NRXN3: variants seen among roughly 807,000 people sequenced by gnomAD.
NRXN3 encodes neurexin III.
Under a neutral mutation model 137.6 loss-of-function variants are expected in NRXN3, and 32 were observed. The ratio of observed to expected loss-of-function variants is 0.23; its 90% CI spans 0.18 to 0.31. The LOEUF is 0.31. Ranked by LOEUF, NRXN3 falls within the 10% of genes least tolerant of loss-of-function variation. The pLI is 1.00. For synonymous variants in NRXN3, 798 were observed against 784.5 expected (o/e 1.02, Z -0.29); for missense variants, 1,574 against 2,062.5 (o/e 0.76, Z 4.59).
intron 15 of NRXN3, among the ~76,000 whole-genome samples, chr14:79,359,570 CT>C (rs61025850): frequency 0.84 from 88,228 of 105,456 alleles, 36,057 homozygotes; most frequent in East Asian, 0.94. Flanking sequence ...AACATTTAGT[CT>C]TTTTTTTTTT....
intron 8 of NRXN3, among the ~76,000 whole-genome samples, chr14:78,753,129 G>A (rs1411076242): frequency 1.3e-5 from 2 of 152,186 alleles, no homozygotes; most frequent in Non-Finnish European, 2.9e-5. Flanking sequence ...TGAAACAGGA[G>A]ACTTGAGTGA....
At chr14:79,648,715 A>C (rs2098462488) in intron 16 of NRXN3, among the ~76,000 whole-genome samples, 1 of 151,794 alleles carries the variant, frequency 6.6e-6, no homozygotes, top group Admixed American at 6.6e-5. Flanking sequence ...TCTGCCCTTC[A>C]CAGAGTGGAG....
intron 15 of NRXN3, among the ~76,000 whole-genome samples, chr14:79,428,935 T>G (rs775001407): frequency 6.6e-6 from 1 of 152,194 alleles, no homozygotes; most frequent in Non-Finnish European, 1.5e-5. Context: ...TGTCAATTAA[T>G]TTTTACTTTT....
At chr14:79,051,810 GC>G (rs2099642408) in intron 15 of NRXN3, among the ~76,000 whole-genome samples, 1 of 152,184 alleles carries the variant, frequency 6.6e-6, no homozygotes, top group South Asian at 2.1e-4. Context: ...AAGAGGGGAA[GC>G]AAATACATGT....
At chr14:79,014,010 G>T (rs1490735681) in intron 15 of NRXN3, among the ~76,000 whole-genome samples, 1 of 152,148 alleles carries the variant, frequency 6.6e-6, no homozygotes, top group East Asian at 1.9e-4. Flanking sequence ...TTTGTATGAA[G>T]TCTTAGTCAG....
At chr14:78,894,333 C>G (rs891391836) in intron 10 of NRXN3, among the ~76,000 whole-genome samples, 1 of 151,908 alleles carries the variant, frequency 6.6e-6, no homozygotes, top group Non-Finnish European at 1.5e-5. Flanking sequence ...CAACAATGTT[C>G]ACAGCATCTT....
intron 15 of NRXN3, among the ~76,000 whole-genome samples, chr14:79,304,282 G>A (rs895661287): frequency 6.6e-6 from 1 of 152,042 alleles, no homozygotes; most frequent in Non-Finnish European, 1.5e-5. Flanking sequence ...CACTCTGTAG[G>A]CATTTTGCAT....
intron 19 of NRXN3, among the ~76,000 whole-genome samples, chr14:79,770,809 C>A (rs1305663576): frequency 2.0e-5 from 3 of 151,598 alleles, no homozygotes; most frequent in Non-Finnish European, 4.4e-5. Context: ...ACACAAAAAA[C>A]CCTTCAAAAA....
At chr14:79,658,826 A>AT (rs1313961396) in intron 16 of NRXN3, among the ~76,000 whole-genome samples, 1 of 152,166 alleles carries the variant, frequency 6.6e-6, no homozygotes, top group Non-Finnish European at 1.5e-5. Context: ...ACCTGCTTCC[A>AT]TTGCCCATAT....
At chr14:78,874,357 T>C (rs914022165) in intron 10 of NRXN3, among the ~76,000 whole-genome samples, 2 of 152,192 alleles carry the variant, frequency 1.3e-5, no homozygotes, top group Non-Finnish European at 2.9e-5. Flanking sequence ...TTTTACATTG[T>C]CGTAAGTAAT....
At chr14:79,581,905 G>A (rs1460974422) in intron 16 of NRXN3, among the ~76,000 whole-genome samples, 3 of 152,154 alleles carry the variant, frequency 2.0e-5, no homozygotes, top group African/African-American at 7.2e-5. Context: ...GATCCCCAAA[G>A]CACCCCTCTC....
intron 6 of NRXN3, 151 bp downstream of exon 6, chr14:78,651,477 A>T (rs1410156790): frequency 2.2e-6 from 2 of 907,860 alleles, no homozygotes; most frequent in African/African-American, 3.4e-5. Context: ...TAGGTGTCCT[A>T]CGTTTTCATT....
intron 19 of NRXN3, among the ~76,000 whole-genome samples, chr14:79,748,081 A>C (rs769086909): frequency 1.3e-5 from 2 of 152,016 alleles, no homozygotes; most frequent in African/African-American, 2.4e-5. Flanking sequence ...TAAACAGCTA[A>C]TGCATGTGGG....
intron 17 of NRXN3, among the ~76,000 whole-genome samples, chr14:79,688,181 G>T (rs1440354707): frequency 6.6e-6 from 1 of 152,070 alleles, no homozygotes; most frequent in East Asian, 1.9e-4. Flanking sequence ...AAAGAGTCGA[G>T]TCATATTAAT....
intron 10 of NRXN3, among the ~76,000 whole-genome samples, chr14:78,934,045 C>T (rs573261351): frequency 1.3e-5 from 2 of 150,182 alleles, no homozygotes; most frequent in South Asian, 4.2e-4. Context: ...TGTAATAATC[C>T]TTTTATGCTA....
chr14:78,727,867 T>C (rs1277109353), intron 8 of NRXN3, among the ~76,000 whole-genome samples: 1 of 152,170 alleles, frequency 6.6e-6, no homozygotes, highest in African/African-American at 2.4e-5. Flanking sequence ...TTTTTGACCA[T>C]AGGAACATCT....
intron 15 of NRXN3, among the ~76,000 whole-genome samples, chr14:79,434,561 A>C (rs750883258): frequency 6.6e-6 from 1 of 152,234 alleles, no homozygotes; most frequent in Non-Finnish European, 1.5e-5. Flanking sequence ...TCAGTGGTGC[A>C]GGTACGATGG....
chr14:79,137,443 T>A (rs1038509515), intron 15 of NRXN3, among the ~76,000 whole-genome samples: 1 of 39,072 alleles, frequency 2.6e-5, no homozygotes, highest in African/African-American at 1.3e-4. Context: ...ACACCCCGCC[T>A]AAAAACCTGA....
At chr14:78,327,367 A>G (rs1049183937) in intron 4 of NRXN3, among the ~76,000 whole-genome samples, 1 of 152,108 alleles carries the variant, frequency 6.6e-6, no homozygotes, top group Non-Finnish European at 1.5e-5. Flanking sequence ...AACAACATGA[A>G]CACTGGCTCA....
Sources: allele counts gnomAD v4.1 joint callset (sites outside exome capture counted in the v4.1 genomes callset), GRCh38; gene constraint gnomAD v4.1.1; transcripts MANE v1.5; gene names NCBI Gene and HGNC (gene_info 2026-07-23, HGNC 2026-07-21).